PHF21A: variants seen among roughly 807,000 people sequenced by gnomAD.
PHF21A encodes PHD finger protein 21A, also known as BHC80a.
PHF21A carries 11 observed loss-of-function variants against 82.5 expected under a neutral mutation model. The observed-to-expected ratio is 0.13, with a 90% confidence interval of 0.08 to 0.22. The LOEUF (loss-of-function observed/expected upper bound fraction) is 0.22, where lower values mean the gene tolerates loss of function less well. Ranked by LOEUF, PHF21A falls within the 10% of genes least tolerant of loss-of-function variation. PHF21A has a pLI of 1.00. For missense variants in PHF21A, 579 were observed against 837.8 expected (o/e 0.69, Z 3.81); for synonymous variants, 297 against 302.8 (o/e 0.98, Z 0.20).
At chr11:45,957,871 G>A (rs766286175) in intron 10 of PHF21A, among the ~76,000 whole-genome samples, 2 of 151,012 alleles carry the variant, frequency 1.3e-5, no homozygotes, top group African/African-American at 4.9e-5. Flanking sequence ...TAACAAAATC[G>A]ACAAACCTCT....
intron 18 of PHF21A, 28 bp downstream of exon 18, chr11:45,935,608 G>T: frequency 2.9e-6 from 3 of 1,042,806 alleles, no homozygotes; most frequent in Non-Finnish European, 4.5e-6. Flanking sequence ...CCTATGTATC[G>T]ACTGCTGAAG....
At position 45,933,233 on chromosome 11, in the gene PHF21A, G is replaced by A. The variant is rs1484089829; in HGVS notation, c.*735C>T. ...CAGCGGGATAACCACGGAGATGCGC[G>A]ACTCACCAAGCAGGGAAGGAAGGAG... is the stretch of plus-strand genomic sequence containing the variant. On this transcript the variant is annotated 3_prime_UTR_variant, in exon 19 of 19. Coordinates refer to ENST00000676320, the MANE Select transcript of PHF21A (RefSeq NM_001352027.3). 6.6e-6 allele frequency: 1 copy of A among 152,570 alleles called. No individual in the cohort carries two copies. Among genetic ancestry groups the A allele is most frequent in the Non-Finnish European group, 1.5e-5 (1 of 68,052 alleles). The allele number at this position is 152,570 out of a possible 1,614,324, so 9.5% of individuals were successfully genotyped here. A position where few individuals can be genotyped will look rare whatever the true frequency, so the allele number is the denominator to read the frequency against.
chr11:46,050,075 C>T (rs913960803), intron 6 of PHF21A, among the ~76,000 whole-genome samples: 2 of 152,234 alleles, frequency 1.3e-5, no homozygotes, highest in Admixed American at 6.5e-5. Context: ...CTTTCCCCAG[C>T]AGAGTTAGCG....
chr11:46,109,399 T>C (rs1314772837), intron 1 of PHF21A, among the ~76,000 whole-genome samples: 1 of 152,212 alleles, frequency 6.6e-6, no homozygotes, highest in African/African-American at 2.4e-5. Flanking sequence ...CAAAAACCGT[T>C]CACAACTTGT....
chr11:45,997,524 T>A (rs2094949407), intron 6 of PHF21A, among the ~76,000 whole-genome samples: 1 of 152,108 alleles, frequency 6.6e-6, no homozygotes, highest in Non-Finnish European at 1.5e-5. Context: ...AAAATGCTGG[T>A]TTCTCAATGT....
At chr11:45,953,955 G>C (rs1159779970) in intron 10 of PHF21A, among the ~76,000 whole-genome samples, 1 of 152,166 alleles carries the variant, frequency 6.6e-6, no homozygotes, top group Non-Finnish European at 1.5e-5. Context: ...ACGTATTTTA[G>C]AATGTGGGGA....
chr11:46,076,237 T>C (rs1413051861), intron 6 of PHF21A, among the ~76,000 whole-genome samples: 2 of 152,236 alleles, frequency 1.3e-5, no homozygotes, highest in Non-Finnish European at 2.9e-5. Context: ...ATAAGTCTAA[T>C]AACATTTCAC....
intron 7 of PHF21A, among the ~76,000 whole-genome samples, chr11:45,975,917 T>C (rs2136196179): frequency 6.6e-6 from 1 of 152,312 alleles, no homozygotes; most frequent in African/African-American, 2.4e-5. Flanking sequence ...TGAAGTTGTG[T>C]ATTTAATATA....
chr11:45,985,582 G>C (rs1438399299), intron 6 of PHF21A, among the ~76,000 whole-genome samples: 1 of 152,192 alleles, frequency 6.6e-6, no homozygotes. Context: ...AGACAGGGAG[G>C]AATACTGGTG....
chr11:46,099,941 A>G (rs546603369), intron 1 of PHF21A, among the ~76,000 whole-genome samples: 66 of 152,300 alleles, frequency 4.3e-4, no homozygotes, highest in African/African-American at 1.5e-3. Context: ...TTTTTTAAAA[A>G]ATCTTTGTAG....
At chr11:45,965,280 C>CTACT in intron 10 of PHF21A, 35 bp downstream of exon 10, 2 of 1,598,038 alleles carry the variant, frequency 1.3e-6, no homozygotes, top group Non-Finnish European at 1.7e-6. Flanking sequence ...AACGACAAGG[C>CTACT]TACTGCCCAG....
intron 6 of PHF21A, among the ~76,000 whole-genome samples, chr11:46,054,029 A>G (rs1003563558): frequency 1.3e-5 from 2 of 152,118 alleles, no homozygotes; most frequent in Non-Finnish European, 2.9e-5. Flanking sequence ...CTTTTTCACA[A>G]GCAACGTCGT....
chr11:46,116,723 G>C (rs922036912), intron 1 of PHF21A: 1 of 152,116 alleles, frequency 6.6e-6, no homozygotes, highest in African/African-American at 2.4e-5. Flanking sequence ...CAGCACTTTG[G>C]GAGGCCAAGG....
At chr11:46,091,272 G>A (rs566426258) in intron 2 of PHF21A, among the ~76,000 whole-genome samples, 16 of 152,148 alleles carry the variant, frequency 1.1e-4, no homozygotes, top group Admixed American at 2.6e-4. Flanking sequence ...TGCACTAGGC[G>A]ACTACCCTAT....
intron 6 of PHF21A, among the ~76,000 whole-genome samples, chr11:45,991,277 T>C (rs568671332): frequency 2.6e-4 from 39 of 152,332 alleles, no homozygotes; most frequent in Admixed American, 8.5e-4. Context: ...ACCTTGATTT[T>C]TTCCATATGG....
At chr11:45,934,468 G>GC (rs1481133873) in intron 18 of PHF21A, 11 of 510,818 alleles carry the variant, frequency 2.2e-5, no homozygotes, top group Non-Finnish European at 3.5e-5. Flanking sequence ...GAAAGAGCAT[G>GC]CGGGCACCAA....
chr11:45,995,918 A>G lies in PHF21A; in HGVS notation c.154-15952T>C, dbSNP rs888656377. 5.9e-5 allele frequency among the ~76,000 whole-genome samples: 9 copies of G among 152,300 alleles called. No individual in the cohort carries two copies. The East Asian group carries it at 1.7e-3, about 29-fold the overall frequency. ...AAACCCCAAATTCATTATTATTTTC[A>G]GTATATGGCTTTTTTTAAAAAAATA... On this transcript the variant is annotated intron_variant, in intron 6 of 18. Transcript: ENST00000676320.
chr11:46,093,771 CTTCCCTAT>C (rs1455712550), intron 1 of PHF21A, among the ~76,000 whole-genome samples: 7 of 152,302 alleles, frequency 4.6e-5, no homozygotes, highest in African/African-American at 1.7e-4. Context: ...GAGGGCTTAT[CTTCCCTAT>C]TAGGGCTTTC....
At chr11:45,969,305 C>T (rs1201492971) in intron 9 of PHF21A, among the ~76,000 whole-genome samples, 1 of 152,196 alleles carries the variant, frequency 6.6e-6, no homozygotes, top group Admixed American at 6.5e-5. Flanking sequence ...CAGAGCTGCT[C>T]GGGCCTAGGG....
Sources: gnomAD v4.1 joint callset for allele counts (sites outside exome capture counted in the v4.1 genomes callset) on GRCh38, gnomAD v4.1.1 for gene constraint, MANE v1.5 for transcripts, NCBI Gene and HGNC (gene_info 2026-07-23, HGNC 2026-07-21) for gene names.